DEAF1: variants seen among roughly 807,000 people sequenced by gnomAD.
The protein encoded by DEAF1 is deformed epidermal autoregulatory factor 1 homolog.
Under a neutral mutation model 58.9 loss-of-function variants are expected in DEAF1, and 53 were observed. The ratio of observed to expected loss-of-function variants is 0.90; its 90% confidence interval spans 0.72 to 1.13. The LOEUF (loss-of-function observed/expected upper bound fraction) is 1.13, where lower values mean the gene tolerates loss of function less well. DEAF1 is among the 50% of genes most tolerant of loss of function. The pLI is 0.00. For missense variants in DEAF1, 685 were observed against 791.4 expected (o/e 0.87, Z 1.61); for synonymous variants, 385 against 340.4 (o/e 1.13, Z -1.44).
intron 1 of DEAF1, chr11:702,936 G>C (rs982579494): frequency 6.2e-7 from 1 of 1,603,046 alleles, no homozygotes; most frequent in Non-Finnish European, 8.5e-7. Flanking sequence ...CCTTTGCTCT[G>C]TTCTCCAGGC....
At chr11:695,549 C>T (rs1388243424), upstream of DEAF1, 2 of 1,201,854 alleles carry the variant, frequency 1.7e-6, no homozygotes, top group South Asian at 4.2e-5. Context: ...TTCCCGCCGC[C>T]GGCGGAAGCC....
chr11:681,472 A>G (rs1280436024), intron 6 of DEAF1, among the ~76,000 whole-genome samples: 5 of 149,894 alleles, frequency 3.3e-5, no homozygotes, highest in Non-Finnish European at 7.4e-5. Flanking sequence ...GTGCAGTGGC[A>G]CAATCTGGGC....
chr11:644,290 GGCCCTGT>G lies in DEAF1; in HGVS notation c.*253_*259del. 1 of 582,084 alleles carries G rather than the reference GGCCCTGT, an allele frequency of 1.7e-6. No individual in the cohort carries two copies. The highest frequency in any genetic ancestry group is 2.0e-5 in the South Asian group (1 of 51,132). 36.1% of individuals were successfully genotyped at this position (582,084 alleles called of 1,614,324 possible). A position where few individuals can be genotyped will look rare whatever the true frequency, so the allele number is the denominator to read the frequency against. ...ACGTATGTATGTGCGTCGCAGCACA[GGCCCTGT>G]GGGCAAGACCGGACGCTCATGATCC... On this transcript the variant is annotated 3_prime_UTR_variant, in exon 12 of 12. Coordinates refer to ENST00000382409, the MANE Select transcript of DEAF1 (RefSeq NM_021008.4). The surrounding 1 kb of genome is among the most constrained non-coding windows in gnomAD (Gnocchi z 4.3).
intron 10 of DEAF1, among the ~76,000 whole-genome samples, chr11:665,507 G>GA (rs1282072819): frequency 1.3e-5 from 2 of 152,248 alleles, no homozygotes; most frequent in African/African-American, 4.8e-5. Context: ...TTCCAGCTGA[G>GA]AAAGGGGCCG....
chr11:703,163 G>A (rs781573311), intron 1 of DEAF1: 13 of 1,593,954 alleles, frequency 8.2e-6, no homozygotes, highest in South Asian at 2.2e-5. Context: ...ACGGACACCC[G>A]GGATACCCCA....
intron 10 of DEAF1, among the ~76,000 whole-genome samples, chr11:667,609 C>T (rs1028377531): frequency 3.3e-5 from 5 of 151,792 alleles, no homozygotes; most frequent in African/African-American, 1.2e-4. Context: ...TGTTCAAGAC[C>T]GGTCTGGCCA....
chr11:698,976 C>T (rs1861324189), upstream of DEAF1: 2 of 1,532,748 alleles, frequency 1.3e-6, no homozygotes, highest in Admixed American at 1.7e-5. Flanking sequence ...CCACGTTTTC[C>T]CTAAGTTCTG....
At chr11:703,387 T>C (rs2133478594) in intron 1 of DEAF1, 3 of 1,368,252 alleles carry the variant, frequency 2.2e-6, no homozygotes, top group Non-Finnish European at 2.8e-6. Context: ...CAGACAGAAC[T>C]GCCTTCAAGA....
chr11:702,991 CCTGGCCCTCACGG>C, intron 1 of DEAF1: 2 of 1,611,654 alleles, frequency 1.2e-6, no homozygotes, highest in Non-Finnish European at 1.7e-6. Flanking sequence ...TGGCCGCCAG[CCTGGCCCTCACGG>C]CTGGCACCGC....
upstream of DEAF1, chr11:695,265 G>A (rs1324809082): frequency 8.4e-6 from 4 of 473,736 alleles, no homozygotes; most frequent in East Asian, 3.8e-5. Flanking sequence ...TGCCCGAGTA[G>A]GAGCCGAACC....
intron 10 of DEAF1, among the ~76,000 whole-genome samples, chr11:669,658 G>A (rs112272909): frequency 5.5e-5 from 8 of 146,138 alleles, no homozygotes; most frequent in African/African-American, 1.5e-4. Context: ...GGCCAGGTGC[G>A]GTGGCTCATG....
intron 10 of DEAF1, among the ~76,000 whole-genome samples, chr11:656,464 A>G (rs1859060263): frequency 6.6e-6 from 1 of 152,226 alleles, no homozygotes; most frequent in Non-Finnish European, 1.5e-5. Context: ...AGCCGACAAA[A>G]TATTTCTTAA....
intron 2 of DEAF1, among the ~76,000 whole-genome samples, chr11:691,186 C>T (rs11246266): frequency 0.015 from 2,242 of 152,370 alleles, 36 homozygotes; most frequent in South Asian, 0.039. Context: ...CAGGCAGGGC[C>T]GGGCCTCGGG....
intron 2 of DEAF1, among the ~76,000 whole-genome samples, chr11:689,079 G>C (rs1345060730): frequency 6.6e-6 from 1 of 152,198 alleles, no homozygotes; most frequent in Non-Finnish European, 1.5e-5. Flanking sequence ...CCCACGGTGG[G>C]GCAGACCAGA....
chr11:678,609 G>T, intron 9 of DEAF1, 85 bp downstream of exon 9: 2 of 1,597,776 alleles, frequency 1.3e-6, no homozygotes, highest in Non-Finnish European at 1.7e-6. Flanking sequence ...AAACCAAAAT[G>T]AATCCCATTT....
upstream of DEAF1, chr11:699,076 C>T: frequency 1.4e-6 from 1 of 693,130 alleles, no homozygotes; most frequent in East Asian, 2.7e-5. Context: ...CTGGCTCCAT[C>T]CCCTACCTGC....
At position 694,948 on chromosome 11, in the gene DEAF1, C is replaced by T; in HGVS notation, c.100G>A (p.Gly34Arg). ...AVAAAAAAAAGGEAEEPVLSR... is the reference protein window; with the variant it reads ...AVAAAAAAAARGEAEEPVLSR... ...AGCACCGGCTCCTCCGCCTCGCCTC[C>T]TGCCGCGGCCGCGGCCGCCGCCGCC... Residue 34 changes from glycine to arginine, a missense_variant, in exon 1 of 12, where the codon GGA becomes AGA. Transcript: ENST00000382409. 7.9e-7 allele frequency: 1 copy of T among 1,262,702 alleles called. No individual in the cohort carries two copies. Among genetic ancestry groups the T allele is most frequent in the Non-Finnish European group, 9.9e-7 (1 of 1,007,510 alleles). The allele number at this position is 1,262,702 out of a possible 1,614,324, so 78.2% of individuals were successfully genotyped here.
intron 11 of DEAF1, among the ~76,000 whole-genome samples, chr11:653,015 C>T (rs1858849988): frequency 7.4e-6 from 1 of 134,438 alleles, no homozygotes. Context: ...ACCCGGGAGG[C>T]AGAGGTTGCA....
chr11:679,497 A>G (rs10751661), intron 8 of DEAF1, among the ~76,000 whole-genome samples, 191 bp downstream of exon 8: 117,073 of 152,056 alleles, frequency 0.77, 47,249 homozygotes, highest in Non-Finnish European at 0.88. Flanking sequence ...ACCCACTGCC[A>G]CACGCCAACC....
Sources: gnomAD v4.1 joint callset for allele counts (sites outside exome capture counted in the v4.1 genomes callset) on GRCh38, gnomAD v4.1.1 for gene constraint, Gnocchi (gnomAD v3.1) non-coding constraint, MANE v1.5 for transcripts, NCBI Gene and HGNC (gene_info 2026-07-23, HGNC 2026-07-21) for gene names.